DST: variants seen among roughly 807,000 people sequenced by gnomAD.
DST encodes dystonin.
DST carries 253 observed loss-of-function variants against 875.2 expected under a neutral mutation model. The ratio of observed to expected loss-of-function variants is 0.29; its 90% CI spans 0.26 to 0.32. The LOEUF (loss-of-function observed/expected upper bound fraction) is 0.32. Ranked by LOEUF, DST falls within the 10% of genes least tolerant of loss-of-function variation. DST has a pLI of 1.00. For synonymous variants in DST, 3,124 were observed against 3,197.1 expected (o/e 0.98, Z 0.77); for missense variants, 8,287 against 9,111.6 (o/e 0.91, Z 3.68).
In DST at chr6:56,633,018, C is replaced by T. The variant is rs561723329; in HGVS notation, c.3641G>A (p.Gly1214Asp). Residue 1214 changes from glycine (G) to aspartate (D), a missense_variant, in exon 28 of 104, where the codon GGT becomes GAT. By Grantham distance (94) the Gly-to-Asp change is moderately conservative (BLOSUM62 -1). Coordinates refer to ENST00000680361, the MANE Select transcript of DST (RefSeq NM_001374736.1). ...ATTACTTAGAACTTGCTGATGTTCA[C>T]CAGGTAGCATTGTCTTTATCTAAAG... ...NVASIKTMLP[G>D]EHQQVLSNLQ... 6.2e-7 allele frequency: 1 copy of T among 1,613,830 alleles called. No individual in the cohort carries two copies. Among genetic ancestry groups the T allele is most frequent in the East Asian group, 2.2e-5 (1 of 44,844 alleles).
At chr6:56,625,721 T>G (rs79805230) in intron 34 of DST, among the ~76,000 whole-genome samples, 1 of 150,522 alleles carries the variant, frequency 6.6e-6, no homozygotes, top group Non-Finnish European at 1.5e-5. Context: ...TGTTTTAGAG[T>G]GTACTCCTAC....
chr6:56,851,081 C>T (rs1178990541), intron 4 of DST: 3 of 343,238 alleles, frequency 8.7e-6, no homozygotes, highest in African/African-American at 2.0e-5. Context: ...GGAGCTAATA[C>T]TTTCAGAATG....
At chr6:56,838,036 T>C (rs1016592838) in intron 4 of DST, among the ~76,000 whole-genome samples, 4 of 152,104 alleles carry the variant, frequency 2.6e-5, no homozygotes, top group African/African-American at 9.7e-5. Context: ...ATGTAATCCC[T>C]GAAATATTAA....
At chr6:56,459,648 C>T (rs1010298941) in intron 103 of DST, among the ~76,000 whole-genome samples, 7 of 152,148 alleles carry the variant, frequency 4.6e-5, no homozygotes, top group African/African-American at 1.7e-4. Flanking sequence ...TTAAGTCTTG[C>T]CCAAGAATAG....
intron 34 of DST, among the ~76,000 whole-genome samples, chr6:56,625,972 TA>T (rs76788667): frequency 0.16 from 12,192 of 74,952 alleles, 1,605 homozygotes; most frequent in African/African-American, 0.4. Flanking sequence ...GTTTAAAAAG[TA>T]AAAAAAAAAA....
At chr6:56,726,315 T>C (rs1364784021) in intron 5 of DST, among the ~76,000 whole-genome samples, 1 of 152,208 alleles carries the variant, frequency 6.6e-6, no homozygotes, top group Non-Finnish European at 1.5e-5. Flanking sequence ...CTCTGAATTC[T>C]CCCTCAGGTT....
chr6:56,833,400 TCTTA>T (rs1179638806), intron 4 of DST, among the ~76,000 whole-genome samples: 2 of 152,212 alleles, frequency 1.3e-5, no homozygotes, highest in African/African-American at 4.8e-5. Context: ...CTAACTACTT[TCTTA>T]CTTACAAACT....
At chr6:56,671,085 G>A (rs915698075) in intron 9 of DST, among the ~76,000 whole-genome samples, 2 of 151,936 alleles carry the variant, frequency 1.3e-5, no homozygotes, top group Non-Finnish European at 2.9e-5. Context: ...TTTACATATA[G>A]GAAATAAATA....
intron 3 of DST, among the ~76,000 whole-genome samples, chr6:56,862,509 A>G (rs1386961753): frequency 6.6e-6 from 1 of 152,126 alleles, no homozygotes; most frequent in Non-Finnish European, 1.5e-5. Flanking sequence ...GATGAAGATC[A>G]CAGCAGGGCT....
chr6:56,587,492 A>AT (rs1209166900), intron 49 of DST, among the ~76,000 whole-genome samples: 1 of 152,184 alleles, frequency 6.6e-6, no homozygotes, highest in Non-Finnish European at 1.5e-5. Flanking sequence ...ACTCTGCAGG[A>AT]TATTATCCAG....
At chr6:56,506,338 T>C in intron 77 of DST, 105 bp downstream of exon 77, 1 of 839,210 alleles carries the variant, frequency 1.2e-6, no homozygotes, top group East Asian at 2.7e-5. Flanking sequence ...TTGCCCACAA[T>C]TGCATATGCA....
Position 56,573,757 on chromosome 6 carries a change from A to T in DST, c.13158T>A (p.Asn4386Lys), listed in dbSNP as rs745960567. 14 of 1,613,618 alleles carry T rather than the reference A, an allele frequency of 8.7e-6. No homozygotes were observed. In the South Asian group the frequency reaches 1.5e-4, roughly 18 times the overall value. Residue 4386 changes from asparagine to lysine, a missense_variant, in exon 51 of 104, where the codon AAT (asparagine) becomes AAA (lysine). This residue lies in a region of DST where 1,513 missense variants were observed against 1,677.8 expected (regional missense o/e 0.90). Coordinates refer to ENST00000680361, the MANE Select transcript of DST (RefSeq NM_001374736.1). ...CTTGTTCTTTCAGAGAACTTTCCAC[A>T]TTTCCCATCCAGTCCAGCATTTCAT... ...GLDEMLDWMG[N>K]VESSLKEQGQ...
In DST at chr6:56,557,418, T is replaced by A; in HGVS notation, c.14541A>T (p.Gln4847His). Reference sequence around the variant, plus strand: ...CTTTTTCCACAAGCCACTGTTTCAATTGGGCCTCTACAGTCTGGAACTGGG... The same window carrying A: ...CTTTTTCCACAAGCCACTGTTTCAAATGGGCCTCTACAGTCTGGAACTGGG... ...NLTQFQTVEA[Q>H]LKQWLVEKEL... Residue 4847 changes from glutamine to histidine, a missense_variant, in exon 59 of 104, where the codon CAA becomes CAT. By Grantham distance (24) the Gln-to-His change is conservative. This residue lies in a region of DST where 1,513 missense variants were observed against 1,677.8 expected (regional missense o/e 0.90). Coordinates refer to ENST00000680361, the MANE Select transcript of DST (RefSeq NM_001374736.1). The A allele has an allele frequency of 1.2e-6, 2 of 1,613,742 alleles. No homozygotes were observed. The highest frequency in any genetic ancestry group is 1.7e-6 in the Non-Finnish European group (2 of 1,179,706).
intron 3 of DST, chr6:56,852,034 G>A: frequency 5.6e-6 from 8 of 1,426,264 alleles, no homozygotes; most frequent in Non-Finnish European, 7.3e-6. Context: ...CAACTAACTC[G>A]AAGTTTCGAA....
intron 85 of DST, among the ~76,000 whole-genome samples, chr6:56,491,157 C>T (rs2095723696): frequency 6.6e-6 from 1 of 152,200 alleles, no homozygotes; most frequent in African/African-American, 2.4e-5. Context: ...ACATTTCACA[C>T]CTCCCATTCA....
chr6:56,737,864 A>T (rs1393664846), intron 4 of DST, among the ~76,000 whole-genome samples: 1 of 152,254 alleles, frequency 6.6e-6, no homozygotes, highest in East Asian at 1.9e-4. Context: ...AAATGTAACT[A>T]TGAGAATATA....
chr6:56,904,692 TCTC>T (rs1321369903), intron 2 of DST, among the ~76,000 whole-genome samples: 1 of 152,104 alleles, frequency 6.6e-6, no homozygotes, highest in Non-Finnish European at 1.5e-5. Context: ...GACACTTTCT[TCTC>T]CTAAGTAATA....
chr6:56,757,836 C>T (rs2099607894), intron 4 of DST, among the ~76,000 whole-genome samples: 1 of 152,158 alleles, frequency 6.6e-6, no homozygotes, highest in Admixed American at 6.5e-5. Context: ...ATAACCATGC[C>T]AGTCCTGGAC....
chr6:56,599,098 C>A (rs2098419166), intron 45 of DST, among the ~76,000 whole-genome samples: 1 of 152,028 alleles, frequency 6.6e-6, no homozygotes, highest in African/African-American at 2.4e-5. Context: ...GTGTTTATCA[C>A]TCAGGATAAA....
Sources: allele counts gnomAD v4.1 joint callset (sites outside exome capture counted in the v4.1 genomes callset), GRCh38; gene constraint gnomAD v4.1.1; regional missense constraint gnomAD v4.1.1; transcripts MANE v1.5; gene names NCBI Gene and HGNC (gene_info 2026-07-23, HGNC 2026-07-21).